Variants in QRICH1 observed in about 807,000 individuals in gnomAD.
The protein encoded by QRICH1 is transcriptional regulator QRICH1.
A neutral mutation model predicts 87.1 loss-of-function variants in QRICH1; 16 were observed. That is an observed-to-expected ratio of 0.18 (90% confidence interval 0.12 to 0.28). The LOEUF (loss-of-function observed/expected upper bound fraction) is 0.28. Ranked by LOEUF, QRICH1 falls within the 10% of genes least tolerant of loss-of-function variation. The probability of loss-of-function intolerance (pLI) is 1.00; values close to 1 mark genes in which losing one functional copy is unlikely to be tolerated. For synonymous variants in QRICH1, 367 were observed against 368.4 expected, an observed-to-expected ratio of 1.00 and a Z score of 0.05; for missense variants, 647 against 951.7, an observed-to-expected ratio of 0.68 and a Z score of 4.21.
intron 3 of QRICH1, among the ~76,000 whole-genome samples, chr3:49,055,033 A>T (rs929346705): frequency 6.6e-6 from 1 of 152,232 alleles, no homozygotes; most frequent in African/African-American, 2.4e-5. Context: ...AAATAATTCG[A>T]AGGAAAAGAA....
At chr3:49,039,723 A>G (rs1250739203) in intron 6 of QRICH1, among the ~76,000 whole-genome samples, 2 of 151,880 alleles carry the variant, frequency 1.3e-5, no homozygotes, top group African/African-American at 4.8e-5. Flanking sequence ...TTTAAAATGG[A>G]AAAAATAAAC....
chr3:49,070,450 T>G (rs1233462393), intron 2 of QRICH1, among the ~76,000 whole-genome samples: 1 of 152,122 alleles, frequency 6.6e-6, no homozygotes, highest in Non-Finnish European at 1.5e-5. Context: ...GTTGTTCTGT[T>G]TTTTATAGAG....
chr3:49,035,057 G>A (rs888805273), intron 6 of QRICH1, among the ~76,000 whole-genome samples: 17 of 151,946 alleles, frequency 1.1e-4, no homozygotes, highest in Middle Eastern at 3.4e-3. Flanking sequence ...TCTACTTTTC[G>A]GCTATTTTGT....
At chr3:49,031,540 A>C (rs2093239828) in intron 9 of QRICH1, among the ~76,000 whole-genome samples, 1 of 152,210 alleles carries the variant, frequency 6.6e-6, no homozygotes, top group South Asian at 2.1e-4. Context: ...AGGAGGGGAC[A>C]CAGGTAGCAA....
At position 49,057,613 on chromosome 3, in the gene QRICH1, T is replaced by C; in HGVS notation, c.587A>G (p.Gln196Arg). The C allele has an allele frequency of 6.2e-7, 1 of 1,614,186 alleles. No individual in the cohort carries two copies. The highest frequency in any genetic ancestry group is 8.5e-7 in the Non-Finnish European group (1 of 1,180,012). Residue 196 changes from glutamine to arginine, a missense_variant, in exon 3 of 10, where the codon CAG becomes CGG. This residue lies in a region of QRICH1 where 156 missense variants were observed against 164.5 expected (regional missense o/e 0.95). Coordinates refer to ENST00000395443, the MANE Select transcript of QRICH1 (RefSeq NM_198880.3). This position sits in a 1 kb window ranked among gnomAD's most constrained non-coding sequence, Gnocchi z 5.4. ...AGACTGGCCAGCCACCAGCTGAGCC[T>C]GGATTTGCTGATGTGGGATGTGCTC... ...PEEHIPHQQIQAQLVAGQSLA... is the reference protein window; with the variant it reads ...PEEHIPHQQIRAQLVAGQSLA...
In QRICH1 at chr3:49,093,950, G is replaced by A; in HGVS notation, c.-60C>T. On this transcript the variant is annotated 5_prime_UTR_variant, in exon 1 of 10. Coordinates refer to ENST00000395443, the MANE Select transcript of QRICH1 (RefSeq NM_198880.3). ...TGCCGCCGCCGCCGCCGCCTCCGCT[G>A]CACCCGCCGGCCCCGCCGCACCGCC... 7.4e-6 allele frequency: 3 copies of A among 404,124 alleles called. No individual in the cohort carries two copies. The highest frequency in any genetic ancestry group is 1.2e-4 in the South Asian group (1 of 8,146). 25.0% of individuals were successfully genotyped at this position (404,124 alleles called of 1,614,324 possible).
chr3:49,077,903 T>C (rs2041981722), intron 1 of QRICH1, among the ~76,000 whole-genome samples: 1 of 152,150 alleles, frequency 6.6e-6, no homozygotes, highest in Admixed American at 6.6e-5. Context: ...AGAAATAAAT[T>C]CTACAAGTTT....
chr3:49,064,045 T>C (rs1162406950), intron 2 of QRICH1, among the ~76,000 whole-genome samples: 1 of 151,796 alleles, frequency 6.6e-6, no homozygotes, highest in East Asian at 1.9e-4. Context: ...TGGCTGGGAT[T>C]ACAGGCATGC....
At chr3:49,055,867 C>T (rs1035401545) in intron 3 of QRICH1, among the ~76,000 whole-genome samples, 7 of 151,962 alleles carry the variant, frequency 4.6e-5, no homozygotes, top group African/African-American at 1.4e-4. Flanking sequence ...TTAGTAGAGA[C>T]GGGGTTTCAC....
chr3:49,060,009 C>T lies in QRICH1; in HGVS notation c.310-2119G>A, dbSNP rs1392383525. Among the ~76,000 whole-genome samples, 12 of 151,480 alleles carry T rather than the reference C, an allele frequency of 7.9e-5. 1 individual carries two copies. In the South Asian group the frequency reaches 8.4e-4, roughly 11 times the overall value. On this transcript the variant is annotated intron_variant, in intron 2 of 9. Transcript: ENST00000395443. ...AAGCGATTCTCCTGTGTCAGCCTCCCGAGTAGCTGGGACTACAGGTGCGTG... is the reference window on the plus strand; with the variant it reads ...AAGCGATTCTCCTGTGTCAGCCTCCTGAGTAGCTGGGACTACAGGTGCGTG...
At chr3:49,080,042 A>AAG (rs1338460554) in intron 1 of QRICH1, among the ~76,000 whole-genome samples, 1 of 151,780 alleles carries the variant, frequency 6.6e-6, no homozygotes, top group East Asian at 1.9e-4. Flanking sequence ...AAAAAAAAAA[A>AAG]AGGCATCTTT....
chr3:49,054,760 A>G (rs1356374064), intron 3 of QRICH1, among the ~76,000 whole-genome samples: 1 of 151,920 alleles, frequency 6.6e-6, no homozygotes, highest in Non-Finnish European at 1.5e-5. Flanking sequence ...ATATATGCCG[A>G]GTGTGGTAGT....
chr3:49,059,477 T>C (rs2093422552), intron 2 of QRICH1, among the ~76,000 whole-genome samples: 1 of 150,130 alleles, frequency 6.7e-6, no homozygotes, highest in African/African-American at 2.5e-5. Flanking sequence ...TGGAGTGCAG[T>C]AGTATGATCT....
chr3:49,093,911 C>CTG lies in QRICH1; in HGVS notation c.-22_-22+1insCA. The CTG allele has an allele frequency of 5.2e-6, 2 of 387,738 alleles. No individual in the cohort carries two copies. The highest frequency in any genetic ancestry group is 9.1e-6 in the Non-Finnish European group (2 of 220,878). The allele number at this position is 387,738 out of a possible 1,614,324, so 24.0% of individuals were successfully genotyped here. On this transcript the variant is annotated splice_region_variant and 5_prime_UTR_variant. Transcript: ENST00000395443. ...ATCCCCACCCGCACTGGAGCCCTCA[C>CTG]CCGGCGACGTCACTGCCGCCGCCGC...
chr3:49,081,702 T>A (rs1364724834), intron 1 of QRICH1, among the ~76,000 whole-genome samples: 1 of 152,220 alleles, frequency 6.6e-6, no homozygotes, highest in African/African-American at 2.4e-5. Context: ...GGTTTTGCCA[T>A]GTTGCCCACG....
chr3:49,048,496 A>C (rs928747334), intron 3 of QRICH1, among the ~76,000 whole-genome samples: 2 of 150,868 alleles, frequency 1.3e-5, no homozygotes, highest in African/African-American at 4.8e-5. Context: ...AAAAAAAAAA[A>C]AACCCACCCT....
At chr3:49,039,328 G>C (rs891753515) in intron 6 of QRICH1, among the ~76,000 whole-genome samples, 10 of 152,040 alleles carry the variant, frequency 6.6e-5, no homozygotes, top group African/African-American at 2.4e-4. Flanking sequence ...TTGCGCTCCA[G>C]CCTGGGCGAC....
chr3:49,051,822 T>C (rs909093165), intron 3 of QRICH1, among the ~76,000 whole-genome samples: 1 of 152,140 alleles, frequency 6.6e-6, no homozygotes, highest in African/African-American at 2.4e-5. Context: ...AGTGCTTCTG[T>C]AGCAGGCCCC....
chr3:49,046,548 G>A lies in QRICH1; in HGVS notation c.1548C>T (p.Leu516=), dbSNP rs779253621. 3.1e-6 allele frequency: 5 copies of A among 1,613,588 alleles called. No homozygotes were observed. The highest frequency in any genetic ancestry group is 3.4e-6 in the Non-Finnish European group (4 of 1,179,890). The change falls in exon 5 of 10, where the codon CTC becomes CTT. Residue 516 remains leucine (L), a synonymous_variant. Coordinates refer to ENST00000395443, the MANE Select transcript of QRICH1 (RefSeq NM_198880.3). ...RRQLLRFQED[L]ISSAVAELNY... ...TCAACTCTGCCACAGCAGAGGAGATGAGATCTTCCTGGAATCGCAGCAGTT... is the reference window on the plus strand; with the variant it reads ...TCAACTCTGCCACAGCAGAGGAGATAAGATCTTCCTGGAATCGCAGCAGTT...
Sources: gnomAD v4.1 joint callset for allele counts (sites outside exome capture counted in the v4.1 genomes callset) on GRCh38, gnomAD v4.1.1 for gene constraint, gnomAD v4.1.1 regional missense constraint, Gnocchi (gnomAD v3.1) non-coding constraint, MANE v1.5 for transcripts, NCBI Gene and HGNC (gene_info 2026-07-23, HGNC 2026-07-21) for gene names.